FGD3: variants seen among roughly 807,000 people sequenced by gnomAD.
FGD3 encodes the protein FYVE, RhoGEF and PH domain-containing protein 3.
FGD3 carries 45 observed loss-of-function variants against 71.8 expected under a neutral mutation model. The observed-to-expected ratio is 0.63, with a 90% CI of 0.49 to 0.80. FGD3 has a LOEUF of 0.80. Among genes scored for constraint, FGD3 ranks in the 30% least tolerant of loss-of-function variants. FGD3 has a pLI of 0.00. For missense variants in FGD3, 844 were observed against 951.5 expected (o/e 0.89, Z 1.49); for synonymous variants, 378 against 392.8 (o/e 0.96, Z 0.44).
At position 92,950,599 on chromosome 9, in the gene FGD3, A is replaced by G. The variant is rs139862280; in HGVS notation, c.-218+2870A>G. On this transcript the variant is annotated intron_variant, in intron 1 of 17. Coordinates refer to ENST00000375482, the MANE Select transcript of FGD3 (RefSeq NM_001083536.2). ...TGTTCCGTGCGGATTCTGGACTTGG[A>G]CCAAAACTCCTGGGTCCCTGACTGA... 2.5e-3 allele frequency among the ~76,000 whole-genome samples: 375 copies of G among 152,132 alleles called. 2 individuals are homozygous for G. Among genetic ancestry groups the G allele is most frequent in the African/African-American group, 8.4e-3 (348 of 41,492 alleles).
intron 17 of FGD3, among the ~76,000 whole-genome samples, 153 bp downstream of exon 17, chr9:93,034,834 TG>T (rs1862529211): frequency 1.3e-5 from 2 of 152,162 alleles, no homozygotes; most frequent in South Asian, 4.1e-4. Context: ...GGATTCCCTC[TG>T]CTTGCCAGTC....
chr9:93,035,494 C>T lies in FGD3; in HGVS notation c.2083C>T (p.Leu695=). 1 of 1,613,384 alleles carries T rather than the reference C, an allele frequency of 6.2e-7. No homozygotes were observed. The highest frequency in any genetic ancestry group is 8.5e-7 in the Non-Finnish European group (1 of 1,180,004). The change falls in exon 18 of 18, where the codon CTG becomes TTG. Residue 695 remains leucine, a synonymous_variant. Coordinates refer to ENST00000375482, the MANE Select transcript of FGD3 (RefSeq NM_001083536.2). ...ASSAELQQQW[L]ETLSTAAHGD... ...CTCCGCAGAGCTGCAGCAGCAGTGG[C>T]TGGAAACCCTAAGCACTGCTGCCCA...
chr9:92,992,937 T>C (rs755003737), intron 3 of FGD3, among the ~76,000 whole-genome samples: 39 of 152,222 alleles, frequency 2.6e-4, no homozygotes, highest in Non-Finnish European at 4.3e-4. Flanking sequence ...TGACTCTGGA[T>C]AGATGCTATC....
At chr9:92,948,599 G>A (rs986343168) in intron 1 of FGD3, among the ~76,000 whole-genome samples, 3 of 152,264 alleles carry the variant, frequency 2.0e-5, no homozygotes, top group South Asian at 2.1e-4. Context: ...CAATGAGTGC[G>A]TGTGTGTGTG....
chr9:93,018,083 G>C, intron 10 of FGD3, 53 bp from the exon 11 acceptor site: 1 of 1,529,692 alleles, frequency 6.5e-7, no homozygotes, highest in Non-Finnish European at 9.1e-7. Context: ...CATGAGGCTG[G>C]AGCTAAAATG....
chr9:93,026,346 G>A (rs939277500), intron 14 of FGD3, among the ~76,000 whole-genome samples: 2 of 152,050 alleles, frequency 1.3e-5, no homozygotes, highest in African/African-American at 4.8e-5. Context: ...CCCTTTTTTG[G>A]GTCAACCTGC....
In FGD3 at chr9:93,030,953, TGATG is replaced by T. The variant is rs201423014; in HGVS notation, c.1680+974_1680+977del. 8.8e-3 allele frequency among the ~76,000 whole-genome samples: 1,341 copies of T among 151,852 alleles called. 27 individuals are homozygous for T. The highest frequency in any genetic ancestry group is 0.03 in the African/African-American group (1,257 of 41,374). On this transcript the variant is annotated intron_variant, in intron 15 of 17. Transcript: ENST00000375482. ...AAGTATAAATGGATGACTGGAGAAT[TGATG>T]GATGGATGGATGGATGAACAGACGA... is the stretch of plus-strand genomic sequence containing the variant.
intron 1 of FGD3, among the ~76,000 whole-genome samples, chr9:92,959,320 AT>A (rs1859125596): frequency 6.6e-6 from 1 of 151,958 alleles, no homozygotes; most frequent in South Asian, 2.1e-4. Context: ...TAATAAAATT[AT>A]TTTAGTTAAT....
At position 93,013,956 on chromosome 9, in the gene FGD3, G is replaced by T. The variant is rs41273400; in HGVS notation, c.1140G>T (p.Leu380=). 1.2e-6 allele frequency: 2 copies of T among 1,611,294 alleles called. No individual in the cohort carries two copies. Among genetic ancestry groups the T allele is most frequent in the African/African-American group, 2.7e-5 (2 of 74,810 alleles). The change falls in exon 9 of 18, where the codon CTG becomes CTT. Residue 380 remains leucine, a synonymous_variant. Transcript: ENST00000375482. ...TCAAGGAGGGCCAAATCCAGAAACT[G>T]TCAGCCAAGAACGGCACCCCCCAGG... The part of the protein sequence containing the change: ...ELIKEGQIQK[L]SAKNGTPQDR...
chr9:93,034,782 T>C (rs1175274754), intron 17 of FGD3, 101 bp downstream of exon 17: 1 of 1,321,546 alleles, frequency 7.6e-7, no homozygotes, highest in Non-Finnish European at 1.0e-6. Flanking sequence ...GTCCACCTGC[T>C]TGAGCAGTGT....
chr9:92,980,435 C>A (rs376525182), intron 3 of FGD3, among the ~76,000 whole-genome samples: 2 of 152,056 alleles, frequency 1.3e-5, no homozygotes, highest in South Asian at 2.1e-4. Context: ...ATTGCAGATA[C>A]CTAATGTATA....
chr9:93,029,911 A>T lies in FGD3; in HGVS notation c.1595A>T (p.Asp532Val). 4 of 1,613,660 alleles carry T rather than the reference A, an allele frequency of 2.5e-6. No individual in the cohort carries two copies. Among genetic ancestry groups the T allele is most frequent in the Non-Finnish European group, 1.7e-6 (2 of 1,179,740 alleles). ...AAACTATCCTCTAAGACCAGACGTG[A>T]CAAGGAGAAGCAGAGCTGTAAGAGC... ...PRKLSSKTRRDKEKQSCKSCG... is the reference protein window; with the variant it reads ...PRKLSSKTRRVKEKQSCKSCG... Residue 532 changes from aspartate (D) to valine (V), a missense_variant, in exon 15 of 18, where the codon GAC (aspartate) becomes GTC (valine). Transcript: ENST00000375482.
chr9:93,019,964 T>C, intron 12 of FGD3, 103 bp downstream of exon 12: 1 of 1,252,210 alleles, frequency 8.0e-7, no homozygotes, highest in East Asian at 2.3e-5. Flanking sequence ...CCGGGACTGC[T>C]GGCCCTGTGC....
chr9:93,032,840 C>G lies in FGD3; in HGVS notation c.1752C>G (p.Phe584Leu). The G allele has an allele frequency of 6.2e-7, 1 of 1,614,240 alleles. No homozygotes were observed. The highest frequency in any genetic ancestry group is 8.5e-7 in the Non-Finnish European group (1 of 1,180,038). The change falls in exon 16 of 18, where the codon TTC (phenylalanine) becomes TTG (leucine). Residue 584 changes from phenylalanine to leucine, a missense_variant. Coordinates refer to ENST00000375482, the MANE Select transcript of FGD3 (RefSeq NM_001083536.2). Reference sequence around the variant, plus strand: ...AGAGCCGTGTCTGCAGAGATTGTTTCCTGACACAGCCAGTGGCCCCTGAGA... The same window carrying G: ...AGAGCCGTGTCTGCAGAGATTGTTTGCTGACACAGCCAGTGGCCCCTGAGA... The part of the protein sequence containing the change: ...SRQSRVCRDC[F>L]LTQPVAPEST...
At chr9:93,001,980 AC>A (rs1860872813) in intron 3 of FGD3, among the ~76,000 whole-genome samples, 1 of 152,142 alleles carries the variant, frequency 6.6e-6, no homozygotes, top group African/African-American at 2.4e-5. Context: ...TACTGCTTCC[AC>A]TATGTGAGGG....
rs762483216 is a variant in FGD3, at chr9:93,030,004, C to G, written c.1680+8C>G. ...TGCAAGCTGTGTGGGGCGGTGAGTC[C>G]CGGGAGAGGGGGACAGGGACAGGAG... On this transcript the variant is annotated splice_region_variant and intron_variant, in intron 15 of 17. Transcript: ENST00000375482. The G allele has an allele frequency of 5.0e-6, 8 of 1,610,680 alleles. No individual in the cohort carries two copies. In the Admixed American group the frequency reaches 5.0e-5, roughly 10 times the overall value.
intron 1 of FGD3, among the ~76,000 whole-genome samples, chr9:92,960,015 C>T (rs1038495699): frequency 1.3e-4 from 20 of 152,010 alleles, no homozygotes; most frequent in African/African-American, 4.1e-4. Flanking sequence ...CTCACGTCCC[C>T]GAGTCCCTGT....
chr9:92,971,509 G>A (rs183869265), intron 1 of FGD3, among the ~76,000 whole-genome samples: 69 of 143,306 alleles, frequency 4.8e-4, no homozygotes, highest in African/African-American at 1.5e-3. Flanking sequence ...AACTCACGAA[G>A]TTTGTACAGT....
At position 92,976,226 on chromosome 9, in the gene FGD3, C is replaced by A. The variant is rs776723065; in HGVS notation, c.-31C>A. The A allele has an allele frequency of 2.0e-6, 3 of 1,504,044 alleles. No individual in the cohort carries two copies. Among genetic ancestry groups the A allele is most frequent in the Admixed American group, 2.2e-5 (1 of 45,334 alleles). 93.2% of individuals were successfully genotyped at this position (1,504,044 alleles called of 1,614,324 possible). On this transcript the variant is annotated 5_prime_UTR_variant, in exon 3 of 18. Coordinates refer to ENST00000375482, the MANE Select transcript of FGD3 (RefSeq NM_001083536.2). Reference sequence around the variant, plus strand: ...CCTACAGGAAGCCCCTGGCCAGCCTCCACCTGAGCCCAGTGAGCTCAGCTT... The same window carrying A: ...CCTACAGGAAGCCCCTGGCCAGCCTACACCTGAGCCCAGTGAGCTCAGCTT...
Sources: allele counts gnomAD v4.1 joint callset (sites outside exome capture counted in the v4.1 genomes callset), GRCh38; gene constraint gnomAD v4.1.1; transcripts MANE v1.5; gene names NCBI Gene and HGNC (gene_info 2026-07-23, HGNC 2026-07-21).